Variants in DAB1 observed in about 807,000 individuals in gnomAD.
DAB1 encodes disabled homolog 1.
Under a neutral mutation model 64.6 loss-of-function variants are expected in DAB1, and 15 were observed. That is an observed-to-expected ratio of 0.23 (90% CI 0.16 to 0.36). The LOEUF is 0.36. Ranked by LOEUF, DAB1 falls within the 10% of genes least tolerant of loss-of-function variation. DAB1 has a pLI of 1.00. For missense variants in DAB1, 596 were observed against 706.7 expected, an observed-to-expected ratio of 0.84 and a Z score of 1.78; for synonymous variants, 235 against 251.9, an observed-to-expected ratio of 0.93 and a Z score of 0.64.
At chr1:57,113,323 G>A (rs1014782730) in intron 4 of DAB1, among the ~76,000 whole-genome samples, 10 of 152,180 alleles carry the variant, frequency 6.6e-5, no homozygotes, top group African/African-American at 2.4e-4. Flanking sequence ...TATAGGTGAG[G>A]AATTTGAGGC....
intron 6 of DAB1, among the ~76,000 whole-genome samples, chr1:57,807,327 G>T (rs12081343): frequency 0.018 from 2,766 of 152,134 alleles, 87 homozygotes; most frequent in African/African-American, 0.064. Context: ...ATTGGCAATT[G>T]TATCTCCAAG....
At chr1:57,551,820 G>A (rs928123095) in intron 7 of DAB1, among the ~76,000 whole-genome samples, 1 of 152,132 alleles carries the variant, frequency 6.6e-6, no homozygotes, top group Non-Finnish European at 1.5e-5. Context: ...AAGTGTCAGA[G>A]GAGAGATTGC....
chr1:58,394,507 A>C (rs1484477440), intron 3 of DAB1, among the ~76,000 whole-genome samples: 3 of 152,184 alleles, frequency 2.0e-5, no homozygotes, highest in African/African-American at 4.8e-5. Context: ...ATTGCAGTAC[A>C]TCCATACAGT....
intron 5 of DAB1, among the ~76,000 whole-genome samples, chr1:57,922,547 T>C (rs894521593): frequency 2.0e-5 from 3 of 152,090 alleles, no homozygotes; most frequent in Admixed American, 2.0e-4. Flanking sequence ...CTACGAGATG[T>C]TCCTGTTTGT....
At chr1:57,607,397 T>G (rs1457602911) in intron 7 of DAB1, among the ~76,000 whole-genome samples, 4 of 152,240 alleles carry the variant, frequency 2.6e-5, no homozygotes, top group Non-Finnish European at 2.9e-5. Context: ...TGACTTAACA[T>G]GACCAAACTG....
intron 5 of DAB1, among the ~76,000 whole-genome samples, chr1:58,028,077 A>C (rs1646919844): frequency 6.6e-6 from 1 of 152,208 alleles, no homozygotes; most frequent in African/African-American, 2.4e-5. Flanking sequence ...AATTCCCATC[A>C]TAGAACATCA....
chr1:57,005,547 CTT>C (rs1420731186), intron 14 of DAB1, among the ~76,000 whole-genome samples: 1 of 152,112 alleles, frequency 6.6e-6, no homozygotes. Context: ...AGCTGGGTGA[CTT>C]TGGGCAAGTT....
chr1:57,757,220 T>TG lies in DAB1; in HGVS notation n.552-107556_552-107555insC, dbSNP rs200688727. Among the ~76,000 whole-genome samples, 10 of 120,202 alleles carry TG rather than the reference T, an allele frequency of 8.3e-5. 1 individual carries two copies. Among genetic ancestry groups the TG allele is most frequent in the Admixed American group, 5.8e-4 (6 of 10,352 alleles). The allele number at this position is 120,202 out of a possible 152,430, so 78.9% of individuals were successfully genotyped here. A position where few individuals can be genotyped will look rare whatever the true frequency, so the allele number is the denominator to read the frequency against. ...AGAATTTTTTTTTTTTTTTTTTTTT[T>TG]AGCAGCAATGATGGAGGCTAACAGC... On this transcript the variant is annotated intron_variant and non_coding_transcript_variant, in intron 6 of 20. Transcript: ENST00000485760.
intron 9 of DAB1, among the ~76,000 whole-genome samples, chr1:57,026,341 G>T (rs1357302476): frequency 6.6e-6 from 1 of 152,124 alleles, no homozygotes; most frequent in Admixed American, 6.5e-5. Flanking sequence ...ACCATCAAAT[G>T]CCAGCAATGT....
At chr1:57,381,243 C>G (rs1681347400) in intron 1 of DAB1, among the ~76,000 whole-genome samples, 1 of 152,084 alleles carries the variant, frequency 6.6e-6, no homozygotes, top group African/African-American at 2.4e-5. Context: ...CCTTATTTTT[C>G]CAATTCAAAC....
intron 3 of DAB1, among the ~76,000 whole-genome samples, chr1:58,439,915 G>GTCC (rs141085113): frequency 0.15 from 23,328 of 152,058 alleles, 2,253 homozygotes; most frequent in Non-Finnish European, 0.22. Context: ...TTTTGTAACA[G>GTCC]TCCTTGGAAG....
At position 57,991,845 on chromosome 1, in the gene DAB1, C is replaced by CAAAAAA. The variant is rs56324635; in HGVS notation, n.388-107689_388-107684dup. ...TGGGCAACAGATTGAGGCTCTGTCTCAAAAAAAAAAAAAAAAAAAAAAAAG... is the reference window on the plus strand; with the variant it reads ...TGGGCAACAGATTGAGGCTCTGTCTCAAAAAAAAAAAAAAAAAAAAAAAAAAAAAAG... On this transcript the variant is annotated intron_variant and non_coding_transcript_variant, in intron 5 of 20. Transcript: ENST00000485760. Among the ~76,000 whole-genome samples the CAAAAAA allele has an allele frequency of 2.0e-4, 12 of 60,138 alleles. No homozygotes were observed. In the South Asian group the frequency reaches 3.3e-3, roughly 16 times the overall value. The allele number at this position is 60,138 out of a possible 152,430, so 39.5% of individuals were successfully genotyped here.
At chr1:57,268,123 C>T (rs972216997) in intron 2 of DAB1, among the ~76,000 whole-genome samples, 14 of 152,116 alleles carry the variant, frequency 9.2e-5, no homozygotes, top group African/African-American at 3.4e-4. Context: ...CTTACAATTC[C>T]CTACCCCAAA....
intron 1 of DAB1, among the ~76,000 whole-genome samples, chr1:58,528,204 T>C (rs1359715591): frequency 1.3e-5 from 2 of 152,344 alleles, no homozygotes; most frequent in African/African-American, 2.4e-5. Flanking sequence ...GCAGGCTGCA[T>C]GTGCCCCCGT....
chr1:58,546,371 G>A (rs1367885428), intron 1 of DAB1, among the ~76,000 whole-genome samples: 1 of 152,198 alleles, frequency 6.6e-6, no homozygotes, highest in East Asian at 1.9e-4. Context: ...CGGGCTGAGG[G>A]GGAGGGCAGG....
chr1:58,533,489 T>G (rs1031127953), intron 1 of DAB1, among the ~76,000 whole-genome samples: 1 of 152,072 alleles, frequency 6.6e-6, no homozygotes, highest in African/African-American at 2.4e-5. Context: ...TTGTTATTAC[T>G]CTGTATTAAT....
chr1:57,570,763 A>T (rs1381952835), intron 7 of DAB1, among the ~76,000 whole-genome samples: 2 of 152,162 alleles, frequency 1.3e-5, no homozygotes, highest in African/African-American at 4.8e-5. Context: ...TGGGAATTAC[A>T]TTGAATTTGT....
At chr1:57,444,237 C>A (rs1686055824) in intron 7 of DAB1, among the ~76,000 whole-genome samples, 1 of 152,128 alleles carries the variant, frequency 6.6e-6, no homozygotes, top group African/African-American at 2.4e-5. Flanking sequence ...TCTGACCTGA[C>A]CCCCATCCTT....
chr1:58,012,047 T>C (rs1444209910), intron 5 of DAB1, among the ~76,000 whole-genome samples: 2 of 152,166 alleles, frequency 1.3e-5, no homozygotes, highest in Non-Finnish European at 2.9e-5. Context: ...CTTAGTTATA[T>C]ATTTAACAAA....
Sources: allele counts gnomAD v4.1 joint callset (sites outside exome capture counted in the v4.1 genomes callset), GRCh38; gene constraint gnomAD v4.1.1; transcripts MANE v1.5; gene names NCBI Gene and HGNC (gene_info 2026-07-23, HGNC 2026-07-21).